Variants in C15orf39 observed in about 807,000 individuals in gnomAD.
The protein encoded by C15orf39 is PRMT2 interacting protein, also known as uncharacterized protein C15orf39.
C15orf39 carries 24 observed loss-of-function variants against 53.9 expected under a neutral mutation model. That is an observed-to-expected ratio of 0.45 (90% CI 0.32 to 0.63). The LOEUF (loss-of-function observed/expected upper bound fraction) is 0.63. C15orf39 is among the 20% of genes least tolerant of loss of function. The pLI is 0.04. For missense variants in C15orf39, 1,271 were observed against 1,347.9 expected (o/e 0.94, Z 0.89); for synonymous variants, 569 against 576.5 (o/e 0.99, Z 0.19).
rs1254011147 is a variant in C15orf39, at chr15:75,207,939, G to T, written c.1891G>T (p.Val631Leu). 6.2e-7 allele frequency: 1 copy of T among 1,613,834 alleles called. No homozygotes were observed. The highest frequency in any genetic ancestry group is 1.6e-4 in the Middle Eastern group (1 of 6,062). The change falls in exon 2 of 3, where the codon GTG becomes TTG. Residue 631 changes from valine (V) to leucine (L), a missense_variant. Physicochemically the swap from Val to Leu is conservative, Grantham distance 32. Around this residue, in one of 2 missense-constraint regions of C15orf39, gnomAD observed 994 missense variants for 993.7 expected, o/e 1.00. Transcript: ENST00000394987. ...IDTEAPGLPG[V>L]PVTTDAMPRT... ...CACAGAAGCACCAGGCTTGCCTGGG[G>T]TGCCAGTGACCACAGATGCCATGCC... is the stretch of plus-strand genomic sequence containing the variant.
In C15orf39 at chr15:75,206,103, C is replaced by T. The variant is rs2070435389; in HGVS notation, c.55C>T (p.Pro19Ser). ...GGGGCCTGTGATGTATGGCAAGCTGCCCCGCTTAGAGACAGACTCCGGGCT... is the reference window on the plus strand; with the variant it reads ...GGGGCCTGTGATGTATGGCAAGCTGTCCCGCTTAGAGACAGACTCCGGGCT... ...TLGPVMYGKLPRLETDSGLEH... is the reference protein window; with the variant it reads ...TLGPVMYGKLSRLETDSGLEH... Residue 19 changes from proline to serine, a missense_variant, in exon 2 of 3, where the codon CCC becomes TCC. Coordinates refer to ENST00000394987, the MANE Select transcript of C15orf39 (RefSeq NM_015492.5). The T allele has an allele frequency of 6.2e-7, 1 of 1,613,396 alleles. No individual in the cohort carries two copies. Among genetic ancestry groups the T allele is most frequent in the South Asian group, 1.1e-5 (1 of 90,924 alleles).
intron 2 of C15orf39, 87 bp from the exon 3 acceptor site, chr15:75,210,662 A>G: frequency 6.6e-7 from 1 of 1,504,310 alleles, no homozygotes; most frequent in Non-Finnish European, 8.9e-7. Context: ...GGGGCAGAGC[A>G]GAAGCACTGT....
At position 75,210,840 on chromosome 15, in the gene C15orf39, A is replaced by T. The variant is rs2070478017; in HGVS notation, c.2868A>T (p.Ser956=). Residue 956 remains serine (S), a synonymous_variant, in exon 3 of 3, where the codon TCA becomes TCT. Coordinates refer to ENST00000394987, the MANE Select transcript of C15orf39 (RefSeq NM_015492.5). ...EPESLALAQK[S]PAPKVRKPGR... ...AGAGCCTAGCCCTGGCTCAGAAGTC[A>T]CCGGCCCCCAAGGTCAGGAAGCCAG... The T allele has an allele frequency of 3.7e-6, 6 of 1,613,800 alleles. No individual in the cohort carries two copies. The highest frequency in any genetic ancestry group is 3.4e-6 in the Non-Finnish European group (4 of 1,179,984).
In C15orf39 at chr15:75,211,323, A is replaced by G; in HGVS notation, c.*207A>G. On this transcript the variant is annotated 3_prime_UTR_variant, in exon 3 of 3. Coordinates refer to ENST00000394987, the MANE Select transcript of C15orf39 (RefSeq NM_015492.5). ...TCTTTATTGGATAGGACTACTCCCT[A>G]TTTCTTGCCTAGAGAACACACATGG... 1.8e-6 allele frequency: 1 copy of G among 570,698 alleles called. No homozygotes were observed. The highest frequency in any genetic ancestry group is 2.9e-6 in the Non-Finnish European group (1 of 350,832). The allele number at this position is 570,698 out of a possible 1,614,324, so 35.4% of individuals were successfully genotyped here. A position where few individuals can be genotyped will look rare whatever the true frequency, so the allele number is the denominator to read the frequency against.
intron 2 of C15orf39, among the ~76,000 whole-genome samples, chr15:75,209,811 G>A (rs941296405): frequency 1.2e-4 from 18 of 152,276 alleles, no homozygotes; most frequent in African/African-American, 4.1e-4. Flanking sequence ...GCCTTGCCCC[G>A]GGCCCTTACC....
At chr15:75,204,351 C>G (rs980014023) in intron 1 of C15orf39, among the ~76,000 whole-genome samples, 5 of 152,252 alleles carry the variant, frequency 3.3e-5, no homozygotes, top group African/African-American at 1.2e-4. Context: ...AGTCCCCATC[C>G]TTCCTTGGTC....
At position 75,206,998 on chromosome 15, in the gene C15orf39, C is replaced by T; in HGVS notation, c.950C>T (p.Ala317Val). Reference sequence around the variant, plus strand: ...GGCCACAAGGGGACCGGGTACCAGGCTGGTGGGCTGGGCAGCCCCTACCTG... The same window carrying T: ...GGCCACAAGGGGACCGGGTACCAGGTTGGTGGGCTGGGCAGCCCCTACCTG... ...LGGHKGTGYQAGGLGSPYLRQ... is the reference protein window; with the variant it reads ...LGGHKGTGYQVGGLGSPYLRQ... The change falls in exon 2 of 3, where the codon GCT (alanine) becomes GTT (valine). Residue 317 changes from alanine to valine, a missense_variant. By Grantham distance (64) the Ala-to-Val change is moderately conservative. This residue lies in a region of C15orf39 where 994 missense variants were observed against 993.7 expected (regional missense o/e 1.00). Transcript: ENST00000394987. The T allele has an allele frequency of 6.3e-7, 1 of 1,599,226 alleles. No individual in the cohort carries two copies. The highest frequency in any genetic ancestry group is 1.1e-5 in the South Asian group (1 of 88,660).
At chr15:75,200,928 C>T (rs964711670), upstream of C15orf39, among the ~76,000 whole-genome samples, 2 of 151,766 alleles carry the variant, frequency 1.3e-5, no homozygotes, top group African/African-American at 4.8e-5. Flanking sequence ...TTCTTGGAAC[C>T]TGCAGCCTCA....
Position 75,207,476 on chromosome 15 carries a change from G to GC in C15orf39, c.1434dup (p.Cys479LeufsTer26). 6.2e-7 allele frequency: 1 copy of GC among 1,613,192 alleles called. No individual in the cohort carries two copies. Among genetic ancestry groups the GC allele is most frequent in the Non-Finnish European group, 8.5e-7 (1 of 1,179,894 alleles). On this transcript the variant is annotated frameshift_variant, in exon 2 of 3. Transcript: ENST00000394987. LOFTEE classifies it high-confidence loss of function. ...CAGTTCCCTGTACCCCCCCAGCACT[G>GC]CCCCCCTGTGCCCGGGAGTGCCAGT...
chr15:75,211,317 C>T lies in C15orf39; in HGVS notation c.*201C>T, dbSNP rs2070481907. On this transcript the variant is annotated 3_prime_UTR_variant, in exon 3 of 3. Coordinates refer to ENST00000394987, the MANE Select transcript of C15orf39 (RefSeq NM_015492.5). Reference sequence around the variant, plus strand: ...TGAGGGTCTTTATTGGATAGGACTACTCCCTATTTCTTGCCTAGAGAACAC... The same window carrying T: ...TGAGGGTCTTTATTGGATAGGACTATTCCCTATTTCTTGCCTAGAGAACAC... The T allele has an allele frequency of 3.4e-6, 2 of 593,382 alleles. No homozygotes were observed. The highest frequency in any genetic ancestry group is 5.4e-6 in the Non-Finnish European group (2 of 367,168). The allele number at this position is 593,382 out of a possible 1,614,324, so 36.8% of individuals were successfully genotyped here.
Position 75,208,676 on chromosome 15 carries a change from C to G in C15orf39, c.2628C>G (p.Thr876=), listed in dbSNP as rs757232042. 7.5e-6 allele frequency: 12 copies of G among 1,607,578 alleles called. No individual in the cohort carries two copies. Among genetic ancestry groups the G allele is most frequent in the African/African-American group, 5.3e-5 (4 of 74,920 alleles). The change falls in exon 2 of 3, where the codon ACC becomes ACG. Residue 876 remains threonine (T), a synonymous_variant. Coordinates refer to ENST00000394987, the MANE Select transcript of C15orf39 (RefSeq NM_015492.5). The part of the protein sequence containing the change: ...LQEHRVELRP[T]TLSEERALRE... Reference sequence around the variant, plus strand: ...AGCATCGTGTGGAGCTGCGGCCCACCACGCTGTCGGAGGAGCGGGCACTGC... The same window carrying G: ...AGCATCGTGTGGAGCTGCGGCCCACGACGCTGTCGGAGGAGCGGGCACTGC...
intron 2 of C15orf39, among the ~76,000 whole-genome samples, chr15:75,209,784 C>T (rs574083022): frequency 4.6e-5 from 7 of 152,322 alleles, no homozygotes; most frequent in Admixed American, 2.0e-4. Context: ...GTTCCTAGTT[C>T]CATCCCCGTA....
chr15:75,208,730 A>T lies in C15orf39; in HGVS notation c.2682A>T (p.Ser894=). Residue 894 remains serine, a synonymous_variant, in exon 2 of 3, where the codon TCA becomes TCT. Transcript: ENST00000394987. The stretch of plus-strand genomic sequence containing the variant: ...AGCTCGCCCTGCCAGGCTGCACCTC[A>T]CGCATGCTGAAGTTACTGGCGCTGC... ...LRELALPGCT[S]RMLKLLALRQ... 1 of 1,607,498 alleles carries T rather than the reference A, an allele frequency of 6.2e-7. No individual in the cohort carries two copies. The highest frequency in any genetic ancestry group is 8.5e-7 in the Non-Finnish European group (1 of 1,179,798).
chr15:75,205,598 G>A (rs147844106), intron 1 of C15orf39, among the ~76,000 whole-genome samples: 77 of 152,296 alleles, frequency 5.1e-4, no homozygotes, highest in African/African-American at 1.8e-3. Flanking sequence ...AAGATGGGAG[G>A]ATCACATGAG....
At chr15:75,200,431 C>CA (rs2070393672), upstream of C15orf39, among the ~76,000 whole-genome samples, 1 of 152,158 alleles carries the variant, frequency 6.6e-6, no homozygotes. Context: ...GCGTCCTAGA[C>CA]CCCAAGGGCT....
upstream of C15orf39, among the ~76,000 whole-genome samples, chr15:75,200,363 C>T (rs1340479304): frequency 6.6e-6 from 1 of 152,194 alleles, no homozygotes; most frequent in Admixed American, 6.5e-5. Flanking sequence ...TGGTTGGGTC[C>T]CATTCCAACT....
At position 75,208,751 on chromosome 15, in the gene C15orf39, G is replaced by A. The variant is rs200304119; in HGVS notation, c.2703G>A (p.Ala901=). ...CCTCACGCATGCTGAAGTTACTGGCGCTGCGCCAGCTGCCGGACATTTACC... is the reference window on the plus strand; with the variant it reads ...CCTCACGCATGCTGAAGTTACTGGCACTGCGCCAGCTGCCGGACATTTACC... ...GCTSRMLKLL[A]LRQLPDIYPD... is the part of the protein sequence containing the mutation. The change falls in exon 2 of 3, where the codon GCG becomes GCA. Residue 901 remains alanine, a synonymous_variant. Transcript: ENST00000394987. The A allele has an allele frequency of 8.2e-5, 132 of 1,607,244 alleles. No individual in the cohort carries two copies. The highest frequency in any genetic ancestry group is 1.0e-4 in the Non-Finnish European group (120 of 1,179,784).
At position 75,206,395 on chromosome 15, in the gene C15orf39, G is replaced by A; in HGVS notation, c.347G>A (p.Ser116Asn). The change falls in exon 2 of 3, where the codon AGT becomes AAT. Residue 116 changes from serine (S) to asparagine (N), a missense_variant. By Grantham distance (46) the Ser-to-Asn change is conservative (BLOSUM62 1). Around this residue, in one of 2 missense-constraint regions of C15orf39, gnomAD observed 994 missense variants for 993.7 expected, o/e 1.00. Coordinates refer to ENST00000394987, the MANE Select transcript of C15orf39 (RefSeq NM_015492.5). ...AGCCCTGTTGAGCTCCTGCCCTTCAGTCCCCAGGCTCACTCCTACCCAGGC... is the reference window on the plus strand; with the variant it reads ...AGCCCTGTTGAGCTCCTGCCCTTCAATCCCCAGGCTCACTCCTACCCAGGC... ...DSSPVELLPFSPQAHSYPGPP... is the reference protein window; with the variant it reads ...DSSPVELLPFNPQAHSYPGPP... 4 of 1,614,030 alleles carry A rather than the reference G, an allele frequency of 2.5e-6. No homozygotes were observed. The highest frequency in any genetic ancestry group is 3.4e-6 in the Non-Finnish European group (4 of 1,179,968).
Position 75,211,440 on chromosome 15 carries a change from T to G in C15orf39, c.*324T>G. The G allele has an allele frequency of 2.1e-5, 6 of 288,666 alleles. No homozygotes were observed. Among genetic ancestry groups the G allele is most frequent in the Non-Finnish European group, 3.9e-5 (6 of 155,546 alleles). 17.9% of individuals were successfully genotyped at this position (288,666 alleles called of 1,614,324 possible). The stretch of plus-strand genomic sequence containing the variant: ...AAACTTCACCTCTGCTGAGCCCTCA[T>G]TCCCCATGTGTAAAATGGGACAACG... On this transcript the variant is annotated 3_prime_UTR_variant, in exon 3 of 3. Coordinates refer to ENST00000394987, the MANE Select transcript of C15orf39 (RefSeq NM_015492.5).
Sources: gnomAD v4.1 joint callset for allele counts (sites outside exome capture counted in the v4.1 genomes callset) on GRCh38, gnomAD v4.1.1 for gene constraint, gnomAD v4.1.1 regional missense constraint, MANE v1.5 for transcripts, NCBI Gene and HGNC (gene_info 2026-07-23, HGNC 2026-07-21) for gene names.